The following TRPM2 variants were observed in gnomAD, a reference collection of about 807,000 sequenced individuals.
TRPM2 encodes estrogen-responsive element-associated gene 1 protein.
TRPM2 carries 161 observed loss-of-function variants against 174.0 expected under a neutral mutation model. That is an observed-to-expected ratio of 0.93 (90% CI 0.81 to 1.05). The LOEUF (loss-of-function observed/expected upper bound fraction) is 1.05. TRPM2 is among the 50% of genes least tolerant of loss of function. The pLI is 0.00. For synonymous variants in TRPM2, 954 were observed against 861.3 expected, an observed-to-expected ratio of 1.11 and a Z score of -1.88; for missense variants, 2,057 against 2,038.0, an observed-to-expected ratio of 1.01 and a Z score of -0.18.
At position 44,414,093 on chromosome 21, in the gene TRPM2, C is replaced by A. The variant is rs45470495; in HGVS notation, c.3146+19C>A. ...TGTTCAAGTGAGCGCCTGGGTGGGG[C>A]TGGCGTGCAGGTGGGTGGGTGGGCG... On this transcript the variant is annotated intron_variant, in intron 20 of 31. Coordinates refer to ENST00000397928, the MANE Select transcript of TRPM2 (RefSeq NM_003307.4). The A allele has an allele frequency of 6.4e-7, 1 of 1,554,104 alleles. No homozygotes were observed.
intron 9 of TRPM2, among the ~76,000 whole-genome samples, chr21:44,389,981 T>C (rs949339945): frequency 1.3e-5 from 2 of 151,776 alleles, no homozygotes; most frequent in Admixed American, 6.6e-5. Context: ...CACACCATTC[T>C]CCAGCTTCAG....
At chr21:44,435,738 C>A (rs1219052504) in intron 28 of TRPM2, among the ~76,000 whole-genome samples, 6 of 133,032 alleles carry the variant, frequency 4.5e-5, no homozygotes, top group Non-Finnish European at 9.4e-5. Flanking sequence ...GCCCCACACT[C>A]ACCCCTCAGA....
intron 20 of TRPM2, 96 bp from the exon 21 acceptor site, chr21:44,417,831 C>T (rs533783829): frequency 7.5e-7 from 1 of 1,341,732 alleles, no homozygotes; most frequent in South Asian, 1.3e-5. Flanking sequence ...CGTGGCTCTG[C>T]TCTCTGTGGC....
rs983986998 is a variant in TRPM2 at position 44,438,735 on chromosome 21, G to A, written c.4168-332G>A. ...GGGCGGGAGCTGGGAGGGGCGACGC[G>A]GGGGCAGGCGCCAGGGGAGCGGGAA... On this transcript the variant is annotated intron_variant, in intron 29 of 31. Transcript: ENST00000397928. The surrounding 1 kb of genome is among the most constrained non-coding windows in gnomAD (Gnocchi z 5.9). Among the ~76,000 whole-genome samples, 3 of 152,168 alleles carry A rather than the reference G, an allele frequency of 2.0e-5. No homozygotes were observed. The highest frequency in any genetic ancestry group is 2.1e-4 in the South Asian group (1 of 4,832).
In TRPM2 at chr21:44,406,018, T is replaced by G. The variant is rs374659891; in HGVS notation, c.2771T>G (p.Ile924Ser). ...ATCAGTAAGACGCTGGGGCCCAAGA[T>G]CATCATTGTGAAGCGGATGGTAAGG... ...FTISKTLGPK[I>S]IIVKRMMKDV... Residue 924 changes from isoleucine to serine, a missense_variant, in exon 18 of 32, where the codon ATC becomes AGC. Physicochemically the swap from Ile to Ser is moderately radical, Grantham distance 142. Coordinates refer to ENST00000397928, the MANE Select transcript of TRPM2 (RefSeq NM_003307.4). 9 of 1,607,430 alleles carry G rather than the reference T, an allele frequency of 5.6e-6. No individual in the cohort carries two copies. The highest frequency in any genetic ancestry group is 5.9e-6 in the Non-Finnish European group (7 of 1,179,712).
chr21:44,435,702 T>TC lies in TRPM2; in HGVS notation c.4061+485_4061+486insC, dbSNP rs1555905792. Among the ~76,000 whole-genome samples, 482 of 115,796 alleles carry TC rather than the reference T, an allele frequency of 4.2e-3. 7 individuals carry two copies. Among genetic ancestry groups the TC allele is most frequent in the Middle Eastern group, 0.014 (2 of 148 alleles). The allele number at this position is 115,796 out of a possible 152,430, so 76.0% of individuals were successfully genotyped here. A position where few individuals can be genotyped will look rare whatever the true frequency, so the allele number is the denominator to read the frequency against. The stretch of plus-strand genomic sequence containing the variant: ...CCCCACACTCACCCCTCAGACTCAC[T>TC]TTCCACACCCATCCACGGGGACACA... On this transcript the variant is annotated intron_variant, in intron 28 of 31. Transcript: ENST00000397928.
At position 44,364,141 on chromosome 21, in the gene TRPM2, G is replaced by A. The variant is rs761693988; in HGVS notation, c.282G>A (p.Thr94=). ...AGGTGGTGTGTCAGTGTGGCTACAC[G>A]CATGAGCAGCACTTGGAGGAGGCTA... ...AGKVVCQCGY[T]HEQHLEEATK... The change falls in exon 3 of 32, where the codon ACG becomes ACA. Residue 94 remains threonine (T), a synonymous_variant. Transcript: ENST00000397928. The A allele has an allele frequency of 1.2e-5, 19 of 1,613,958 alleles. No individual in the cohort carries two copies. Among genetic ancestry groups the A allele is most frequent in the East Asian group, 1.1e-4 (5 of 44,896 alleles).
At chr21:44,420,190 G>C (rs1249574925) in intron 22 of TRPM2, among the ~76,000 whole-genome samples, 1 of 152,142 alleles carries the variant, frequency 6.6e-6, no homozygotes, top group African/African-American at 2.4e-5. Flanking sequence ...CTCCCAGAGA[G>C]AGTCAGGACT....
In TRPM2 at chr21:44,379,199, TG is replaced by T; in HGVS notation, c.1215+3del. 1 of 1,612,044 alleles carries T rather than the reference TG, an allele frequency of 6.2e-7. No homozygotes were observed. The highest frequency in any genetic ancestry group is 8.5e-7 in the Non-Finnish European group (1 of 1,179,890). The stretch of plus-strand genomic sequence containing the variant: ...AGGATTGTCGAGTGGACCAAAAAGG[TG>T]AGGCTGACGGGCACGACGGTCACCA... On this transcript the variant is annotated splice_donor_region_variant and intron_variant, in intron 8 of 31. Coordinates refer to ENST00000397928, the MANE Select transcript of TRPM2 (RefSeq NM_003307.4).
intron 9 of TRPM2, 111 bp downstream of exon 9, chr21:44,382,931 C>A: frequency 8.5e-7 from 1 of 1,178,824 alleles, no homozygotes; most frequent in Non-Finnish European, 1.2e-6. Context: ...AATATTCCTC[C>A]TTGGTCAGAA....
Position 44,388,512 on chromosome 21 carries a change from C to T in TRPM2, c.1319-2392C>T, listed in dbSNP as rs554330668. The stretch of plus-strand genomic sequence containing the variant: ...ATGGCTGCACAACATTATGAATATA[C>T]TTAAGACCAGTGAACTGTACGCTTA... On this transcript the variant is annotated intron_variant, in intron 9 of 31. Coordinates refer to ENST00000397928, the MANE Select transcript of TRPM2 (RefSeq NM_003307.4). Among the ~76,000 whole-genome samples, 23 of 152,152 alleles carry T rather than the reference C, an allele frequency of 1.5e-4. No individual in the cohort carries two copies. The South Asian group carries it at 4.2e-3, about 27-fold the overall frequency.
At chr21:44,407,569 T>C (rs2049949625) in intron 19 of TRPM2, among the ~76,000 whole-genome samples, 1 of 146,040 alleles carries the variant, frequency 6.8e-6, no homozygotes. Flanking sequence ...AACATCTGCA[T>C]CACCCTGAAA....
At chr21:44,436,544 A>G (rs560561809) in intron 28 of TRPM2, among the ~76,000 whole-genome samples, 20 of 37,956 alleles carry the variant, frequency 5.3e-4, no homozygotes, top group African/African-American at 1.9e-3. Context: ...TGTGACCCCC[A>G]GGTGGCACTT....
intron 27 of TRPM2, among the ~76,000 whole-genome samples, chr21:44,428,734 CTCCCCTTAGGTGTGGCTCT>C (rs1460812744): frequency 1.0e-4 from 15 of 146,740 alleles, no homozygotes; most frequent in African/African-American, 3.8e-4. Flanking sequence ...GGTGTGGCTC[CTCCCCTTAGGTGTGGCTCT>C]TCCCTGAGGT....
chr21:44,434,189 T>C (rs2051138828), intron 27 of TRPM2, among the ~76,000 whole-genome samples: 1 of 151,768 alleles, frequency 6.6e-6, no homozygotes, highest in Admixed American at 6.6e-5. Context: ...AGTGGAATGG[T>C]GGAGGAACGA....
At chr21:44,407,286 C>T (rs373957264) in intron 19 of TRPM2, among the ~76,000 whole-genome samples, 211 of 146,680 alleles carry the variant, frequency 1.4e-3, no homozygotes, top group African/African-American at 4.7e-3. Flanking sequence ...CCAACACACC[C>T]GGCTAATTTT....
At chr21:44,353,104 C>T (rs1415639233), upstream of TRPM2, among the ~76,000 whole-genome samples, 4 of 152,292 alleles carry the variant, frequency 2.6e-5, no homozygotes, top group South Asian at 4.1e-4. Flanking sequence ...TGCAGTGAGC[C>T]GAGACTGCGT....
intron 3 of TRPM2, among the ~76,000 whole-genome samples, chr21:44,365,973 AG>A (rs1170677465): frequency 1.3e-5 from 2 of 152,252 alleles, no homozygotes; most frequent in East Asian, 3.9e-4. Flanking sequence ...GGTTGTTTTG[AG>A]GGCACCTAAT....
Position 44,425,649 on chromosome 21 carries a change from C to T in TRPM2, c.3638-21C>T, listed in dbSNP as rs368844156. ...TGAGCCCGGGCTCCGCCTTGCGTCACGTCTTCCTGACTGTCCCCAGCCTCC... is the reference window on the plus strand; with the variant it reads ...TGAGCCCGGGCTCCGCCTTGCGTCATGTCTTCCTGACTGTCCCCAGCCTCC... On this transcript the variant is annotated intron_variant, in intron 24 of 31. Transcript: ENST00000397928. 10 of 1,478,976 alleles carry T rather than the reference C, an allele frequency of 6.8e-6. No individual in the cohort carries two copies. In the African/African-American group the frequency reaches 7.0e-5, roughly 10 times the overall value. The allele number at this position is 1,478,976 out of a possible 1,614,324, so 91.6% of individuals were successfully genotyped here. A position where few individuals can be genotyped will look rare whatever the true frequency, so the allele number is the denominator to read the frequency against.
Sources: allele counts gnomAD v4.1 joint callset (sites outside exome capture counted in the v4.1 genomes callset), GRCh38; gene constraint gnomAD v4.1.1; non-coding constraint Gnocchi (gnomAD v3.1); transcripts MANE v1.5; gene names NCBI Gene and HGNC (gene_info 2026-07-23, HGNC 2026-07-21).